C6orf120: variants seen among roughly 807,000 people sequenced by gnomAD.
The protein encoded by C6orf120 is chromosome 6 open reading frame 120.
For missense variants in C6orf120, 311 were observed against 264.2 expected, an observed-to-expected ratio of 1.18 and a Z score of -1.23; for synonymous variants, 165 against 123.1, an observed-to-expected ratio of 1.34 and a Z score of -2.25.
At chr6:169,705,469 C>T, downstream of C6orf120, 4 of 715,958 alleles carry the variant, frequency 5.6e-6, no homozygotes, top group South Asian at 3.6e-5. Context: ...TAGAGGAAAA[C>T]ACATGGGCTG....
exon 1 of C6orf120, chr6:169,702,844 T>G: frequency 6.2e-7 from 1 of 1,611,992 alleles, no homozygotes; most frequent in Non-Finnish European, 8.5e-7. Flanking sequence ...GGAGAGCGAG[T>G]TCGAGATGAA....
chr6:169,702,625 T>C, exon 1 of C6orf120: 4 of 1,613,344 alleles, frequency 2.5e-6, no homozygotes, highest in Non-Finnish European at 3.4e-6. Flanking sequence ...GAACTACAGC[T>C]ACCTGCGGCT....
exon 1 of C6orf120, chr6:169,703,909 CA>C (rs944797724): frequency 3.6e-5 from 37 of 1,037,948 alleles, no homozygotes; most frequent in Admixed American, 1.7e-4. Context: ...TCATAATTTG[CA>C]AAAAAAATCT....
exon 1 of C6orf120, chr6:169,702,475 G>A (rs201930179): frequency 1.3e-6 from 2 of 1,562,612 alleles, no homozygotes; most frequent in African/African-American, 1.4e-5. Context: ...CGCTCCCCGC[G>A]GGAGGGCCGC....
chr6:169,703,185 A>T, exon 1 of C6orf120: 1 of 756,760 alleles, frequency 1.3e-6, no homozygotes, highest in Non-Finnish European at 2.1e-6. Flanking sequence ...TTGTTACCTC[A>T]GTTACCCCAA....
exon 1 of C6orf120, chr6:169,702,219 G>A (rs1361322776): frequency 2.9e-6 from 2 of 686,896 alleles, no homozygotes; most frequent in Non-Finnish European, 5.3e-6. Context: ...GTGCCACAGC[G>A]GCCCTGCCCC....
exon 1 of C6orf120, chr6:169,703,267 T>C (rs1030842593): frequency 2.4e-5 from 14 of 571,684 alleles, no homozygotes; most frequent in African/African-American, 2.1e-4. Context: ...ACAAAGTGTT[T>C]AGACTCCATT....
rs377523211 is a variant in C6orf120, at chr6:169,702,583, C to A, written c.124C>A (p.Leu42Met). The change falls in exon 1 of 1, where the codon CTG (leucine) becomes ATG (methionine). Residue 42 changes from leucine (L) to methionine (M), a missense_variant. By Grantham distance (15) the Leu-to-Met change is conservative. Coordinates refer to ENST00000332290, the Ensembl canonical transcript of C6orf120. Reference sequence around the variant, plus strand: ...GGAGGTCCCCGAGGAGTGGGTGCTCCTGCACGTCGTCCAGGGCCAGATAGG... The same window carrying A: ...GGAGGTCCCCGAGGAGTGGGTGCTCATGCACGTCGTCCAGGGCCAGATAGG... 52 of 1,613,104 alleles carry A rather than the reference C, an allele frequency of 3.2e-5. 1 individual carries two copies. The highest frequency in any genetic ancestry group is 4.1e-5 in the Non-Finnish European group (48 of 1,179,952).
At chr6:169,705,224 T>A (rs758405157), downstream of C6orf120, 1 of 1,613,676 alleles carries the variant, frequency 6.2e-7, no homozygotes. Context: ...GGTGGGGTTG[T>A]CCACATATAA....
downstream of C6orf120, chr6:169,705,391 A>C: frequency 9.3e-7 from 1 of 1,071,872 alleles, no homozygotes; most frequent in Non-Finnish European, 1.4e-6. Flanking sequence ...ATAAAATACT[A>C]GTTTGCTTTA....
At chr6:169,702,585 G>A (rs1480049720) in exon 1 of C6orf120, 1 of 1,613,096 alleles carries the variant, frequency 6.2e-7, no homozygotes, top group African/African-American at 1.3e-5. Flanking sequence ...GGGTGCTCCT[G>A]CACGTCGTCC....
At chr6:169,706,161 A>C (rs986305521), downstream of C6orf120, among the ~76,000 whole-genome samples, 2 of 152,216 alleles carry the variant, frequency 1.3e-5, no homozygotes, top group South Asian at 4.1e-4. Flanking sequence ...CAAAACTGCA[A>C]AACTAGAGCT....
At chr6:169,705,558 A>G, downstream of C6orf120, 1 of 947,272 alleles carries the variant, frequency 1.1e-6, no homozygotes, top group Non-Finnish European at 1.7e-6. Context: ...TATAAATTCT[A>G]GTTTTTGAAC....
chr6:169,703,301 A>T (rs541276865), exon 1 of C6orf120: 2 of 507,460 alleles, frequency 3.9e-6, no homozygotes, highest in Admixed American at 3.6e-5. Flanking sequence ...TTGACTAAAA[A>T]TGATTGCAGT....
chr6:169,705,236 G>C, downstream of C6orf120: 3 of 1,612,482 alleles, frequency 1.9e-6, no homozygotes, highest in Non-Finnish European at 2.5e-6. Flanking sequence ...CACATATAAT[G>C]CATGTTTTAC....
chr6:169,704,753 C>T (rs1447958765), exon 1 of C6orf120: 1 of 176,654 alleles, frequency 5.7e-6, no homozygotes, highest in Non-Finnish European at 1.3e-5. Flanking sequence ...TGTCATGCTG[C>T]CTCAATTTAC....
At chr6:169,702,153 T>G (rs989345130), upstream of C6orf120, 1 of 616,836 alleles carries the variant, frequency 1.6e-6, no homozygotes, top group African/African-American at 1.8e-5. Context: ...GGCTCCGGCC[T>G]CGGGTCCGGA....
At chr6:169,705,047 G>T, downstream of C6orf120, 1 of 986,872 alleles carries the variant, frequency 1.0e-6, no homozygotes, top group Non-Finnish European at 1.5e-6. Flanking sequence ...AGCTCTTCAT[G>T]TCATGATAGC....
At chr6:169,706,085 GACTT>G (rs5881839), downstream of C6orf120, among the ~76,000 whole-genome samples, 252 of 152,154 alleles carry the variant, frequency 1.7e-3, 4 homozygotes, top group East Asian at 0.038. Context: ...TTATGTGTAA[GACTT>G]ACTCTAAAAA....
Sources: gnomAD v4.1 joint callset for allele counts (sites outside exome capture counted in the v4.1 genomes callset) on GRCh38, gnomAD v4.1.1 for gene constraint, MANE v1.5 for transcripts, NCBI Gene and HGNC (gene_info 2026-07-23, HGNC 2026-07-21) for gene names.